The following SCG3 variants were observed in gnomAD, a reference collection of about 807,000 sequenced individuals.
SCG3 encodes the protein secretogranin-3.
Under a neutral mutation model 56.2 loss-of-function variants are expected in SCG3, and 38 were observed. That is an observed-to-expected ratio of 0.68 (90% confidence interval 0.52 to 0.89). The LOEUF is 0.89. Among genes scored for constraint, SCG3 ranks in the 40% least tolerant of loss-of-function variants. The pLI is 0.00. For synonymous variants in SCG3, 176 were observed against 184.2 expected (o/e 0.96, Z 0.36); for missense variants, 524 against 540.7 (o/e 0.97, Z 0.31).
intron 4 of SCG3, among the ~76,000 whole-genome samples, chr15:51,687,741 T>A (rs897764353): frequency 3.3e-4 from 50 of 152,090 alleles, no homozygotes; most frequent in African/African-American, 1.2e-3. Flanking sequence ...TTTAGGTGAG[T>A]CATAAAATCT....
chr15:51,705,944 C>T (rs556390826), intron 10 of SCG3, among the ~76,000 whole-genome samples: 2 of 152,120 alleles, frequency 1.3e-5, no homozygotes, highest in East Asian at 3.9e-4. Flanking sequence ...ACCACTGAAC[C>T]CATTACTCTG....
intron 10 of SCG3, among the ~76,000 whole-genome samples, chr15:51,711,514 G>T (rs1421487653): frequency 1.3e-5 from 2 of 152,184 alleles, no homozygotes; most frequent in African/African-American, 4.8e-5. Context: ...TCAGTAATTT[G>T]ATTTAAACTC....
At chr15:51,706,135 A>AAT (rs1457226135) in intron 10 of SCG3, among the ~76,000 whole-genome samples, 2 of 152,210 alleles carry the variant, frequency 1.3e-5, no homozygotes, top group African/African-American at 4.8e-5. Context: ...CCCTGTTATA[A>AAT]AACCCAGTGA....
rs553939656 is a variant in SCG3, at chr15:51,692,308, C to A, written c.840C>A (p.Phe280Leu). 12 of 1,613,734 alleles carry A rather than the reference C, an allele frequency of 7.4e-6. 1 individual carries two copies. The South Asian group carries it at 1.2e-4, about 16-fold the overall frequency. ...NFEELQYFPNFYALLKSIDSE... is the reference protein window; with the variant it reads ...NFEELQYFPNLYALLKSIDSE... ...AGGAACTCCAATATTTCCCAAATTT[C>A]TATGCGCTACTGAAAAGTATTGATT... Residue 280 changes from phenylalanine to leucine, a missense_variant, in exon 7 of 12, where the codon TTC (phenylalanine) becomes TTA (leucine). Transcript: ENST00000220478.
At chr15:51,707,467 G>T (rs532699235) in intron 10 of SCG3, among the ~76,000 whole-genome samples, 90 of 152,312 alleles carry the variant, frequency 5.9e-4, no homozygotes, top group African/African-American at 2.1e-3. Flanking sequence ...AAGTGGGTCA[G>T]GAAGACCCAA....
intron 7 of SCG3, among the ~76,000 whole-genome samples, chr15:51,694,829 G>A (rs542233819): frequency 1.5e-4 from 23 of 152,218 alleles, no homozygotes; most frequent in African/African-American, 4.8e-4. Context: ...TCAGGAGATC[G>A]AGACCATCCT....
chr15:51,682,859 C>T (rs1001201632), intron 2 of SCG3, among the ~76,000 whole-genome samples: 2 of 152,190 alleles, frequency 1.3e-5, no homozygotes, highest in African/African-American at 4.8e-5. Flanking sequence ...AGAGATTTCT[C>T]TTTCAACAAT....
At chr15:51,711,311 A>G (rs1409696012) in intron 10 of SCG3, among the ~76,000 whole-genome samples, 1 of 152,250 alleles carries the variant, frequency 6.6e-6, no homozygotes, top group Admixed American at 6.5e-5. Context: ...GTCTAAACAG[A>G]CTAAGCTGTG....
intron 9 of SCG3, among the ~76,000 whole-genome samples, chr15:51,699,833 G>A (rs2055328253): frequency 6.6e-6 from 1 of 151,962 alleles, no homozygotes; most frequent in Non-Finnish European, 1.5e-5. Context: ...CCCTGGGATG[G>A]TCTGTGCCCC....
chr15:51,714,981 T>C (rs1489498839), intron 11 of SCG3, among the ~76,000 whole-genome samples: 1 of 152,234 alleles, frequency 6.6e-6, no homozygotes, highest in Admixed American at 6.5e-5. Flanking sequence ...GACTTTAAAA[T>C]TAAAATGTTC....
chr15:51,717,831 C>T (rs982871794), intron 11 of SCG3, among the ~76,000 whole-genome samples: 3 of 152,186 alleles, frequency 2.0e-5, no homozygotes, highest in African/African-American at 7.2e-5. Context: ...ATTGGATAGG[C>T]ATGATTGACA....
At chr15:51,699,258 G>T (rs182491626) in intron 8 of SCG3, 61 bp from the exon 9 acceptor site, 3 of 1,205,884 alleles carry the variant, frequency 2.5e-6, no homozygotes, top group East Asian at 4.7e-5. Context: ...AACATTTTTC[G>T]TAAAAATTTG....
chr15:51,718,626 C>G (rs1162445797), intron 11 of SCG3, among the ~76,000 whole-genome samples: 1 of 123,202 alleles, frequency 8.1e-6, no homozygotes, highest in Non-Finnish European at 1.8e-5. Context: ...CTTAAAGGAT[C>G]AAGGGAAAAT....
intron 4 of SCG3, among the ~76,000 whole-genome samples, chr15:51,686,949 C>T (rs192335491): frequency 2.0e-4 from 31 of 152,192 alleles, no homozygotes; most frequent in Admixed American, 6.5e-4. Context: ...AGAAAAGCCA[C>T]GGGATAAATT....
intron 10 of SCG3, among the ~76,000 whole-genome samples, chr15:51,702,396 A>G (rs1481392594): frequency 6.6e-6 from 1 of 152,150 alleles, no homozygotes; most frequent in Non-Finnish European, 1.5e-5. Flanking sequence ...AGCTGGGACT[A>G]CAGGCACGCG....
chr15:51,683,303 A>G lies in SCG3; in HGVS notation c.266A>G (p.Lys89Arg), dbSNP rs757770315. The G allele has an allele frequency of 1.9e-6, 3 of 1,613,746 alleles. No homozygotes were observed. Among genetic ancestry groups the G allele is most frequent in the Non-Finnish European group, 1.7e-6 (2 of 1,179,718 alleles). The stretch of plus-strand genomic sequence containing the variant: ...ATAACAGAAAAGGAAAAAATTGAGA[A>G]AGAAAGACAATCTATAAGAAGCTCC... ...KAITEKEKIEKERQSIRSSPL... is the reference protein window; with the variant it reads ...KAITEKEKIERERQSIRSSPL... Residue 89 changes from lysine to arginine, a missense_variant, in exon 4 of 12, where the codon AAA becomes AGA. Transcript: ENST00000220478.
chr15:51,708,560 G>A (rs1396358002), intron 10 of SCG3, among the ~76,000 whole-genome samples: 1 of 152,288 alleles, frequency 6.6e-6, no homozygotes, highest in East Asian at 1.9e-4. Context: ...ATCAAAGTTT[G>A]AAAACAACTG....
At chr15:51,697,766 T>A (rs2055313137) in intron 8 of SCG3, among the ~76,000 whole-genome samples, 1 of 152,234 alleles carries the variant, frequency 6.6e-6, no homozygotes, top group Non-Finnish European at 1.5e-5. Flanking sequence ...GTAAATATTG[T>A]TTATCAAGAC....
At chr15:51,686,376 A>C (rs1320544775) in intron 4 of SCG3, among the ~76,000 whole-genome samples, 3 of 152,218 alleles carry the variant, frequency 2.0e-5, no homozygotes, top group Non-Finnish European at 2.9e-5. Context: ...AAGACTCTTC[A>C]GTGGGTTACT....
Sources: allele counts gnomAD v4.1 joint callset (sites outside exome capture counted in the v4.1 genomes callset), GRCh38; gene constraint gnomAD v4.1.1; transcripts MANE v1.5; gene names NCBI Gene and HGNC (gene_info 2026-07-23, HGNC 2026-07-21).